AADACL4: variants seen among roughly 807,000 people sequenced by gnomAD.
AADACL4 encodes the protein arylacetamide deacetylase-like 4.
Under a neutral mutation model 14.1 loss-of-function variants are expected in AADACL4, and 9 were observed. The ratio of observed to expected loss-of-function variants is 0.64; its 90% CI spans 0.39 to 1.12. The LOEUF (loss-of-function observed/expected upper bound fraction) is 1.12. Among genes scored for constraint, AADACL4 ranks in the 50% most tolerant of loss-of-function variants. The pLI, the probability that AADACL4 is intolerant of heterozygous loss-of-function variation, is 0.01. For synonymous variants in AADACL4, 188 were observed against 201.6 expected (o/e 0.93, Z 0.57); for missense variants, 531 against 516.1 (o/e 1.03, Z -0.28).
intron 2 of AADACL4, among the ~76,000 whole-genome samples, chr1:12,653,550 A>T (rs1192957462): frequency 6.6e-6 from 1 of 152,220 alleles, no homozygotes; most frequent in Non-Finnish European, 1.5e-5. Context: ...AACAACAGGT[A>T]TGGTTTATTA....
rs112695665 is a variant in AADACL4, at chr1:12,655,481, G to C, written c.385+4142G>C. Among the ~76,000 whole-genome samples, 39 of 151,578 alleles carry C rather than the reference G, an allele frequency of 2.6e-4. 1 individual carries two copies. The highest frequency in any genetic ancestry group is 9.4e-4 in the African/African-American group (39 of 41,314). On this transcript the variant is annotated intron_variant, in intron 2 of 3. Transcript: ENST00000376221. ...AGCTCAGGGCAGTCCCTTTTCCAGT[G>C]GGCCTTCTGCTTGTAGTGAGGGCAG...
chr1:12,664,060 GTTC>G (rs1647272073), intron 3 of AADACL4, among the ~76,000 whole-genome samples: 1 of 152,186 alleles, frequency 6.6e-6, no homozygotes. Context: ...TTTCAAAATG[GTTC>G]TTTTGAACCC....
chr1:12,660,142 C>T (rs1647215143), intron 2 of AADACL4, among the ~76,000 whole-genome samples: 1 of 152,080 alleles, frequency 6.6e-6, no homozygotes, highest in Non-Finnish European at 1.5e-5. Flanking sequence ...GAGACGGGGT[C>T]TTGCTATATT....
chr1:12,658,387 C>T (rs767941355), intron 2 of AADACL4, among the ~76,000 whole-genome samples: 10 of 151,850 alleles, frequency 6.6e-5, no homozygotes, highest in Non-Finnish European at 7.4e-5. Flanking sequence ...GCCTCCCAAG[C>T]AGCTGAGATT....
intron 2 of AADACL4, among the ~76,000 whole-genome samples, chr1:12,660,716 T>A (rs1339349930): frequency 5.9e-5 from 9 of 152,090 alleles, no homozygotes; most frequent in Non-Finnish European, 1.2e-4. Context: ...TGATCTCGGC[T>A]CACTGCAACC....
At chr1:12,648,330 A>G (rs143579662) in intron 1 of AADACL4, among the ~76,000 whole-genome samples, 1 of 148,626 alleles carries the variant, frequency 6.7e-6, no homozygotes, top group Non-Finnish European at 1.5e-5. Flanking sequence ...CAGCTATTTA[A>G]AATTCTGGAC....
chr1:12,662,898 T>C (rs1372475751), intron 3 of AADACL4, among the ~76,000 whole-genome samples: 1 of 152,202 alleles, frequency 6.6e-6, no homozygotes, highest in East Asian at 1.9e-4. Context: ...ACCAAAGCCC[T>C]TTGTGATAAT....
At chr1:12,654,170 C>T (rs941265112) in intron 2 of AADACL4, among the ~76,000 whole-genome samples, 5 of 152,122 alleles carry the variant, frequency 3.3e-5, no homozygotes, top group African/African-American at 4.8e-5. Context: ...TGGGTAAATA[C>T]GGTATAAAGA....
intron 1 of AADACL4, among the ~76,000 whole-genome samples, chr1:12,646,060 C>T (rs1045719658): frequency 5.9e-5 from 9 of 152,290 alleles, no homozygotes; most frequent in African/African-American, 2.2e-4. Flanking sequence ...AGTGGTGTGA[C>T]ATCTTGTTTG....
chr1:12,651,940 T>G (rs1647151279), intron 2 of AADACL4, among the ~76,000 whole-genome samples: 1 of 151,474 alleles, frequency 6.6e-6, no homozygotes. Flanking sequence ...GCCATTCTCC[T>G]GCCTCAGCCT....
chr1:12,646,758 C>T (rs760800515), intron 1 of AADACL4, among the ~76,000 whole-genome samples: 1 of 152,208 alleles, frequency 6.6e-6, no homozygotes, highest in Non-Finnish European at 1.5e-5. Context: ...TGAGATGGGT[C>T]TGCAGCCGCT....
chr1:12,644,502 T>G lies in AADACL4; in HGVS notation c.-45T>G. Reference sequence around the variant, plus strand: ...AGCCAGGTCCTCTTCACATAAGCTATCAGACAAGCTCCTCAGGGCAGCAGC... The same window carrying G: ...AGCCAGGTCCTCTTCACATAAGCTAGCAGACAAGCTCCTCAGGGCAGCAGC... On this transcript the variant is annotated 5_prime_UTR_variant, in exon 1 of 4. Transcript: ENST00000376221. 6.3e-7 allele frequency: 1 copy of G among 1,599,654 alleles called. No individual in the cohort carries two copies.
Position 12,666,302 on chromosome 1 carries a change from G to A in AADACL4, c.791G>A (p.Arg264His), listed in dbSNP as rs369427733. 6.1e-5 allele frequency: 99 copies of A among 1,614,186 alleles called. 1 individual carries two copies. Among genetic ancestry groups the A allele is most frequent in the Non-Finnish European group, 7.0e-5 (83 of 1,180,044 alleles). The change falls in exon 4 of 4, where the codon CGT (arginine) becomes CAT (histidine). Residue 264 changes from arginine (R) to histidine (H), a missense_variant. Transcript: ENST00000376221. ...TATCTGGCCATTGACCTCTCCTGGC[G>A]TGACGCCATCTTGAACGGCACTTGT... The part of the protein sequence containing the change: ...CNYLAIDLSW[R>H]DAILNGTCVP...
chr1:12,665,171 G>A (rs921699817), intron 3 of AADACL4, among the ~76,000 whole-genome samples: 3 of 152,124 alleles, frequency 2.0e-5, no homozygotes, highest in Non-Finnish European at 4.4e-5. Context: ...GAGACTACAA[G>A]TGTGTGCCAC....
intron 1 of AADACL4, among the ~76,000 whole-genome samples, chr1:12,649,541 C>T (rs1037096127): frequency 6.6e-6 from 1 of 152,198 alleles, no homozygotes; most frequent in Non-Finnish European, 1.5e-5. Flanking sequence ...ACTCATTCTC[C>T]TCCAACTAAA....
At chr1:12,661,295 A>G (rs866705156) in intron 2 of AADACL4, among the ~76,000 whole-genome samples, 26 of 152,110 alleles carry the variant, frequency 1.7e-4, no homozygotes, top group African/African-American at 6.0e-4. Context: ...CTGCATTAGA[A>G]GTGTATTTGG....
chr1:12,646,965 T>A (rs1156572067), intron 1 of AADACL4, among the ~76,000 whole-genome samples: 1 of 151,784 alleles, frequency 6.6e-6, no homozygotes, highest in East Asian at 1.9e-4. Flanking sequence ...CTAAAAAGAG[T>A]CTATGGCCAG....
rs1428382311 is a variant in AADACL4, at chr1:12,644,493, C to A, written c.-54C>A. Reference sequence around the variant, plus strand: ...GTGTAACCCAGCCAGGTCCTCTTCACATAAGCTATCAGACAAGCTCCTCAG... The same window carrying A: ...GTGTAACCCAGCCAGGTCCTCTTCAAATAAGCTATCAGACAAGCTCCTCAG... On this transcript the variant is annotated 5_prime_UTR_variant, in exon 1 of 4. Coordinates refer to ENST00000376221, the MANE Select transcript of AADACL4 (RefSeq NM_001013630.2). 34 of 1,590,958 alleles carry A rather than the reference C, an allele frequency of 2.1e-5. No homozygotes were observed. Among genetic ancestry groups the A allele is most frequent in the Non-Finnish European group, 2.9e-5 (34 of 1,168,108 alleles).
Position 12,665,995 on chromosome 1 carries a change from C to A in AADACL4, c.484C>A (p.Leu162Ile), listed in dbSNP as rs1271721910. ...GCTTCCTGACCACCATTCCCCTGCC[C>A]TTTTCCAAGACTGCATGAATGCCTC... Reference protein sequence around the residue: ...RKLPDHHSPALFQDCMNASIH... With the variant: ...RKLPDHHSPAIFQDCMNASIH... The change falls in exon 4 of 4, where the codon CTT becomes ATT. Residue 162 changes from leucine (L) to isoleucine (I), a missense_variant. Physicochemically the swap from Leu to Ile is conservative, Grantham distance 5. Coordinates refer to ENST00000376221, the MANE Select transcript of AADACL4 (RefSeq NM_001013630.2). The A allele has an allele frequency of 1.2e-6, 2 of 1,612,534 alleles. No homozygotes were observed.
Sources: allele counts gnomAD v4.1 joint callset (sites outside exome capture counted in the v4.1 genomes callset), GRCh38; gene constraint gnomAD v4.1.1; transcripts MANE v1.5; gene names NCBI Gene and HGNC (gene_info 2026-07-23, HGNC 2026-07-21).